CCDC167: variants seen among roughly 807,000 people sequenced by gnomAD.
CCDC167 encodes the protein coiled-coil domain-containing protein 167.
In CCDC167, 15 loss-of-function variants were observed where a neutral mutation model predicts 12.7. The observed-to-expected ratio is 1.18, with a 90% CI of 0.79 to 1.81. CCDC167 has a LOEUF of 1.81. Ranked by LOEUF, CCDC167 falls within the 40% of genes most tolerant of loss-of-function variation. The probability of loss-of-function intolerance (pLI) is 0.00; values close to 1 mark genes in which losing one functional copy is unlikely to be tolerated. For synonymous variants in CCDC167, 52 were observed against 49.0 expected (o/e 1.06, Z -0.26); for missense variants, 121 against 120.1 (o/e 1.01, Z -0.03).
chr6:37,489,950 G>GC (rs1761995745), intron 1 of CCDC167, among the ~76,000 whole-genome samples: 1 of 152,208 alleles, frequency 6.6e-6, no homozygotes, highest in Non-Finnish European at 1.5e-5. Flanking sequence ...GAGAGCAGGT[G>GC]CCCCCTGCTG....
At chr6:37,496,123 C>A (rs1032554464) in intron 1 of CCDC167, among the ~76,000 whole-genome samples, 1 of 152,164 alleles carries the variant, frequency 6.6e-6, no homozygotes, top group African/African-American at 2.4e-5. Flanking sequence ...AGAATACATG[C>A]CCCACCAAGT....
intron 1 of CCDC167, among the ~76,000 whole-genome samples, chr6:37,498,117 G>A (rs2113911560): frequency 6.6e-6 from 1 of 152,206 alleles, no homozygotes; most frequent in South Asian, 2.1e-4. Flanking sequence ...TTAGCCATTA[G>A]GGAAATTCGC....
In CCDC167 at chr6:37,484,966, G is replaced by A. The variant is rs1007932235; in HGVS notation, c.138-104C>T. The A allele has an allele frequency of 3.5e-6, 5 of 1,446,866 alleles. No homozygotes were observed. In the African/African-American group the frequency reaches 7.0e-5, roughly 20 times the overall value. The allele number at this position is 1,446,866 out of a possible 1,614,324, so 89.6% of individuals were successfully genotyped here. On this transcript the variant is annotated intron_variant, in intron 2 of 3. Coordinates refer to ENST00000373408, the MANE Select transcript of CCDC167 (RefSeq NM_138493.3). ...AGGGCTTGGGTCTTGTTCGGCGGCA[G>A]GGGGGGTGTGCACTGAAGCTAAGAT...
chr6:37,496,719 A>G (rs1166130006), intron 1 of CCDC167, among the ~76,000 whole-genome samples: 2 of 152,188 alleles, frequency 1.3e-5, no homozygotes, highest in African/African-American at 4.8e-5. Context: ...TCACAACCAC[A>G]CTGTGAGGTG....
chr6:37,492,274 T>C (rs913580089), intron 1 of CCDC167, among the ~76,000 whole-genome samples: 2 of 152,228 alleles, frequency 1.3e-5, no homozygotes, highest in Non-Finnish European at 2.9e-5. Flanking sequence ...TGCAGAACAG[T>C]CATTCCACAT....
chr6:37,490,442 T>C (rs1472440741), intron 1 of CCDC167, among the ~76,000 whole-genome samples: 1 of 151,442 alleles, frequency 6.6e-6, no homozygotes, highest in Non-Finnish European at 1.5e-5. Context: ...GGTAGACAGG[T>C]GGGAAAGGCC....
chr6:37,494,194 T>G (rs1342439216), intron 1 of CCDC167, among the ~76,000 whole-genome samples: 1 of 151,212 alleles, frequency 6.6e-6, no homozygotes, highest in Admixed American at 6.6e-5. Flanking sequence ...GCCTCCCGAG[T>G]AGCTGGGATT....
Position 37,483,084 on chromosome 6 carries a change from G to T in CCDC167, c.*102C>A. 1 of 927,650 alleles carries T rather than the reference G, an allele frequency of 1.1e-6. No individual in the cohort carries two copies. Among genetic ancestry groups the T allele is most frequent in the Non-Finnish European group, 1.8e-6 (1 of 564,154 alleles). 57.5% of individuals were successfully genotyped at this position (927,650 alleles called of 1,614,324 possible). A position where few individuals can be genotyped will look rare whatever the true frequency, so the allele number is the denominator to read the frequency against. On this transcript the variant is annotated 3_prime_UTR_variant, in exon 4 of 4. Coordinates refer to ENST00000373408, the MANE Select transcript of CCDC167 (RefSeq NM_138493.3). The stretch of plus-strand genomic sequence containing the variant: ...ATGCTTGAACACTAGGTTGGGAGGG[G>T]AACACCCCAGCACCTTGGTCCTATT...
intron 1 of CCDC167, among the ~76,000 whole-genome samples, chr6:37,495,149 T>C (rs973101703): frequency 1.3e-5 from 2 of 152,182 alleles, no homozygotes; most frequent in African/African-American, 2.4e-5. Context: ...GCTTAAATCA[T>C]TGAGGTCAGT....
intron 3 of CCDC167, 42 bp from the exon 4 acceptor site, chr6:37,483,331 G>A (rs13220464): frequency 0.051 from 72,509 of 1,409,686 alleles, 2,143 homozygotes; most frequent in Middle Eastern, 0.089. Context: ...AGGCAGTTTA[G>A]GCCCGTCTGT....
At chr6:37,498,651 C>A (rs1226449299) in intron 1 of CCDC167, among the ~76,000 whole-genome samples, 1 of 152,062 alleles carries the variant, frequency 6.6e-6, no homozygotes, top group Non-Finnish European at 1.5e-5. Context: ...CACGGTGAAA[C>A]CCCGTCTCTA....
intron 1 of CCDC167, among the ~76,000 whole-genome samples, chr6:37,487,051 TCTC>T (rs1336642277): frequency 1.3e-5 from 2 of 152,102 alleles, no homozygotes; most frequent in Non-Finnish European, 2.9e-5. Flanking sequence ...CCACCCTCCT[TCTC>T]CTGGGAAATT....
intron 3 of CCDC167, 140 bp from the exon 4 acceptor site, chr6:37,483,429 C>G: frequency 1.6e-6 from 1 of 631,216 alleles, no homozygotes; most frequent in Non-Finnish European, 2.9e-6. Flanking sequence ...AAAAATGACT[C>G]TGCCCTTCTT....
At chr6:37,499,122 G>T (rs1003910942) in intron 1 of CCDC167, among the ~76,000 whole-genome samples, 3 of 152,166 alleles carry the variant, frequency 2.0e-5, no homozygotes, top group African/African-American at 7.2e-5. Flanking sequence ...CTCAGCCTGG[G>T]TTCCACCTGG....
At chr6:37,487,442 G>A (rs1761958203) in intron 1 of CCDC167, among the ~76,000 whole-genome samples, 1 of 152,236 alleles carries the variant, frequency 6.6e-6, no homozygotes, top group Admixed American at 6.5e-5. Context: ...CGTTCTTCTT[G>A]TCCATAGAAG....
intron 1 of CCDC167, among the ~76,000 whole-genome samples, chr6:37,489,329 C>T (rs2776915): frequency 0.16 from 23,914 of 152,126 alleles, 4,462 homozygotes; most frequent in African/African-American, 0.45. Context: ...GAGGAGGGCC[C>T]CTCTACCTTG....
At chr6:37,499,555 T>C (rs1762138170) in intron 1 of CCDC167, among the ~76,000 whole-genome samples, 1 of 152,052 alleles carries the variant, frequency 6.6e-6, no homozygotes, top group African/African-American at 2.4e-5. Context: ...CAGGCCGTCT[T>C]TGGGGCTCCC....
At chr6:37,492,217 A>G (rs1279863646) in intron 1 of CCDC167, among the ~76,000 whole-genome samples, 4 of 152,186 alleles carry the variant, frequency 2.6e-5, no homozygotes, top group Non-Finnish European at 4.4e-5. Flanking sequence ...CACCACTTCA[A>G]GCTCTTTCTC....
chr6:37,486,376 G>C (rs1332502279), intron 1 of CCDC167, among the ~76,000 whole-genome samples: 1 of 152,206 alleles, frequency 6.6e-6, no homozygotes, highest in African/African-American at 2.4e-5. Flanking sequence ...AATGACTGCA[G>C]GTAAGATCCC....
Sources: gnomAD v4.1 joint callset for allele counts (sites outside exome capture counted in the v4.1 genomes callset) on GRCh38, gnomAD v4.1.1 for gene constraint, MANE v1.5 for transcripts, NCBI Gene and HGNC (gene_info 2026-07-23, HGNC 2026-07-21) for gene names.